RAB15: variants seen among roughly 807,000 people sequenced by gnomAD.
The protein encoded by RAB15 is ras-related protein Rab-15.
Under a neutral mutation model 31.8 loss-of-function variants are expected in RAB15, and 13 were observed. The observed-to-expected ratio is 0.41, with a 90% CI of 0.27 to 0.65. The LOEUF (loss-of-function observed/expected upper bound fraction) is 0.65. RAB15 is among the 30% of genes least tolerant of loss of function. The pLI, the probability that RAB15 is intolerant of heterozygous loss-of-function variation, is 0.32. For synonymous variants in RAB15, 100 were observed against 105.6 expected (o/e 0.95, Z 0.33); for missense variants, 220 against 277.3 (o/e 0.79, Z 1.47).
At position 64,954,698 on chromosome 14, in the gene RAB15, G is replaced by T. The variant is rs191629604; in HGVS notation, c.125-2127C>A. Among the ~76,000 whole-genome samples the T allele has an allele frequency of 0.01, 1,577 of 152,312 alleles. 12 individuals carry two copies. The highest frequency in any genetic ancestry group is 0.015 in the Non-Finnish European group (1,039 of 68,026). On this transcript the variant is annotated intron_variant, in intron 1 of 6. Transcript: ENST00000533601. The surrounding 1 kb of genome is among the most constrained non-coding windows in gnomAD (Gnocchi z 4.3). ...TGGCTAGCCAGGGTCAGCACAGCAC[G>T]TGCAGAGATTCCAACACAGGTCCAT...
At chr14:64,965,251 A>G (rs1478162496) in intron 1 of RAB15, among the ~76,000 whole-genome samples, 2 of 152,038 alleles carry the variant, frequency 1.3e-5, no homozygotes, top group East Asian at 1.9e-4. Flanking sequence ...TGAGGTCAGA[A>G]GTTCGAGACC....
At position 64,951,815 on chromosome 14, in the gene RAB15, G is replaced by C. The variant is rs1468972099; in HGVS notation, c.186-152C>G. The C allele has an allele frequency of 1.4e-6, 1 of 703,134 alleles. No homozygotes were observed. Among genetic ancestry groups the C allele is most frequent in the Non-Finnish European group, 2.5e-6 (1 of 397,372 alleles). 43.6% of individuals were successfully genotyped at this position (703,134 alleles called of 1,614,324 possible). A position where few individuals can be genotyped will look rare whatever the true frequency, so the allele number is the denominator to read the frequency against. ...ATCCCCACAGGGATCTGCAGTCAGA[G>C]GCCTGGTCATCTGTGCTGGTGCTGA... On this transcript the variant is annotated intron_variant, in intron 2 of 6. Coordinates refer to ENST00000533601, the MANE Select transcript of RAB15 (RefSeq NM_001308154.2). This position sits in a 1 kb window ranked among gnomAD's most constrained non-coding sequence, Gnocchi z 7.2.
In RAB15 at chr14:64,958,567, A is replaced by G. The variant is rs1886697946; in HGVS notation, c.125-5996T>C. Among the ~76,000 whole-genome samples the G allele has an allele frequency of 6.6e-6, 1 of 152,164 alleles. No homozygotes were observed. Among genetic ancestry groups the G allele is most frequent in the Non-Finnish European group, 1.5e-5 (1 of 68,038 alleles). On this transcript the variant is annotated intron_variant, in intron 1 of 6. Transcript: ENST00000533601. This position sits in a 1 kb window ranked among gnomAD's most constrained non-coding sequence, Gnocchi z 4.4. ...GCCAGCCCTAACTAAGACACCCACC[A>G]TAGCCTATTTTCTCCTTCCTCCTTG...
At chr14:64,960,522 T>G (rs779349750) in intron 1 of RAB15, among the ~76,000 whole-genome samples, 20 of 152,316 alleles carry the variant, frequency 1.3e-4, no homozygotes, top group Non-Finnish European at 2.6e-4. Context: ...TGCATGGTGT[T>G]GGGGAAGCCA....
rs139523848 is a variant in RAB15, at chr14:64,968,337, G to A, written c.124+3616C>T. On this transcript the variant is annotated intron_variant, in intron 1 of 6. Coordinates refer to ENST00000533601, the MANE Select transcript of RAB15 (RefSeq NM_001308154.2). The surrounding 1 kb of genome is among the most constrained non-coding windows in gnomAD (Gnocchi z 4.9). Reference sequence around the variant, plus strand: ...GCTCCCTTCTGCTGCAGGAACTGACGAGCAGCCCACACTGAGGCCTAGCTT... The same window carrying A: ...GCTCCCTTCTGCTGCAGGAACTGACAAGCAGCCCACACTGAGGCCTAGCTT... 1.6e-3 allele frequency among the ~76,000 whole-genome samples: 250 copies of A among 152,214 alleles called. No individual in the cohort carries two copies. Among genetic ancestry groups the A allele is most frequent in the Non-Finnish European group, 2.5e-3 (169 of 68,016 alleles).
In RAB15 at chr14:64,971,769, G is replaced by A; in HGVS notation, c.124+184C>T. On this transcript the variant is annotated intron_variant, in intron 1 of 6. Transcript: ENST00000533601. The surrounding 1 kb of genome is among the most constrained non-coding windows in gnomAD (Gnocchi z 4.1). ...ACCCCACCCCTGGTCCGGACGGCAG[G>A]CAGCAGGGACACCCTCACCTGCCAA... 1.7e-6 allele frequency: 1 copy of A among 600,688 alleles called. No individual in the cohort carries two copies. The highest frequency in any genetic ancestry group is 2.9e-6 in the Non-Finnish European group (1 of 344,666). 37.2% of individuals were successfully genotyped at this position (600,688 alleles called of 1,614,324 possible).
Position 64,952,537 on chromosome 14 carries a change from G to A in RAB15, c.159C>T (p.Asp53=), listed in dbSNP as rs374085864. 50 of 1,612,232 alleles carry A rather than the reference G, an allele frequency of 3.1e-5. No individual in the cohort carries two copies. Among genetic ancestry groups the A allele is most frequent in the East Asian group, 2.2e-4 (10 of 44,872 alleles). The change falls in exon 2 of 7, where the codon GAC becomes GAT. Residue 53 remains aspartate (D), a synonymous_variant. Coordinates refer to ENST00000533601, the MANE Select transcript of RAB15 (RefSeq NM_001308154.2). This position sits in a 1 kb window ranked among gnomAD's most constrained non-coding sequence, Gnocchi z 4.2. ...VDFKMKTIEV[D]GIKVRIQIWD... ...AGATCTGTATCCGCACTTTGATGCC[G>A]TCTACCTCTATGGTCTTCATCTTAA...
rs1886523456 is a variant in RAB15, at chr14:64,955,830, T to A, written c.125-3259A>T. Among the ~76,000 whole-genome samples, 1 of 152,216 alleles carries A rather than the reference T, an allele frequency of 6.6e-6. No individual in the cohort carries two copies. Among genetic ancestry groups the A allele is most frequent in the Non-Finnish European group, 1.5e-5 (1 of 68,046 alleles). ...CTTTTTGTTGCATCTTTAGTATCCG[T>A]GAGAAGAAGAGATATTCTCCATCTA... On this transcript the variant is annotated intron_variant, in intron 1 of 6. Coordinates refer to ENST00000533601, the MANE Select transcript of RAB15 (RefSeq NM_001308154.2). This position sits in a 1 kb window ranked among gnomAD's most constrained non-coding sequence, Gnocchi z 4.4.
intron 1 of RAB15, among the ~76,000 whole-genome samples, chr14:64,964,284 G>A (rs575505336): frequency 6.6e-6 from 1 of 152,164 alleles, no homozygotes; most frequent in East Asian, 2.0e-4. Context: ...AGCACTTTGG[G>A]AGGCCGAGGT....
chr14:64,951,664 C>G lies in RAB15; in HGVS notation c.186-1G>C. ...GTATCTCTCCTGCCCTGCAGTGTCCCTGCAGGAGAAAGCCAGTCCCTCAGA... is the reference window on the plus strand; with the variant it reads ...GTATCTCTCCTGCCCTGCAGTGTCCGTGCAGGAGAAAGCCAGTCCCTCAGA... On this transcript the variant is annotated splice_acceptor_variant, in intron 2 of 6. Coordinates refer to ENST00000533601, the MANE Select transcript of RAB15 (RefSeq NM_001308154.2). LOFTEE classifies it high-confidence loss of function. This position sits in a 1 kb window ranked among gnomAD's most constrained non-coding sequence, Gnocchi z 7.2. 1 of 1,614,082 alleles carries G rather than the reference C, an allele frequency of 6.2e-7. No individual in the cohort carries two copies. Among genetic ancestry groups the G allele is most frequent in the Non-Finnish European group, 8.5e-7 (1 of 1,179,916 alleles).
chr14:64,948,429 C>G lies in RAB15; in HGVS notation c.564G>C (p.Leu188Phe), dbSNP rs983828410. The G allele has an allele frequency of 1.9e-6, 3 of 1,613,714 alleles. No individual in the cohort carries two copies. The highest frequency in any genetic ancestry group is 2.5e-6 in the Non-Finnish European group (3 of 1,179,928). The change falls in exon 7 of 7, where the codon TTG (leucine) becomes TTC (phenylalanine). Residue 188 changes from leucine (L) to phenylalanine (F), a missense_variant. Transcript: ENST00000533601. This position sits in a 1 kb window ranked among gnomAD's most constrained non-coding sequence, Gnocchi z 7.0. ...CCTCCTCCTCCAGCTCTGCCAGTGCCAACTCATTGCTGGCACGCATCCGGA... is the reference window on the plus strand; with the variant it reads ...CCTCCTCCTCCAGCTCTGCCAGTGCGAACTCATTGCTGGCACGCATCCGGA... ...EGLRMRASNE[L>F]ALAELEEEEG...
At position 64,947,081 on chromosome 14, in the gene RAB15, T is replaced by G. The variant is rs890911233; in HGVS notation, c.*1273A>C. 2 of 152,650 alleles carry G rather than the reference T, an allele frequency of 1.3e-5. No individual in the cohort carries two copies. The highest frequency in any genetic ancestry group is 4.8e-5 in the African/African-American group (2 of 41,452). 9.5% of individuals were successfully genotyped at this position (152,650 alleles called of 1,614,324 possible). On this transcript the variant is annotated 3_prime_UTR_variant, in exon 7 of 7. Coordinates refer to ENST00000533601, the MANE Select transcript of RAB15 (RefSeq NM_001308154.2). This position sits in a 1 kb window ranked among gnomAD's most constrained non-coding sequence, Gnocchi z 5.6. The stretch of plus-strand genomic sequence containing the variant: ...GCACCAAGCGTTTCTACCCAGGGCC[T>G]TCCTTCTCTCTTCCCATGAAGTCTT...
chr14:64,950,266 A>G lies in RAB15; in HGVS notation c.414+59T>C. ...ACACCCCTAGGTCCCCACGCTCAGG[A>G]CTGGCCCTGGAGGCCCAGCAGAGGA... is the stretch of plus-strand genomic sequence containing the variant. On this transcript the variant is annotated intron_variant, in intron 5 of 6. Transcript: ENST00000533601. This position sits in a 1 kb window ranked among gnomAD's most constrained non-coding sequence, Gnocchi z 5.6. 1 of 1,390,074 alleles carries G rather than the reference A, an allele frequency of 7.2e-7. No homozygotes were observed. Among genetic ancestry groups the G allele is most frequent in the Admixed American group, 1.7e-5 (1 of 59,772 alleles). 86.1% of individuals were successfully genotyped at this position (1,390,074 alleles called of 1,614,324 possible).
At position 64,954,095 on chromosome 14, in the gene RAB15, GAACGGGC is replaced by G; in HGVS notation, c.125-1531_125-1525del. ...TTAATTACAAGGGAAAAAAGATGCA[GAACGGGC>G]AACCTGAACTAAATCGATTTGGTCA... On this transcript the variant is annotated intron_variant, in intron 1 of 6. Transcript: ENST00000533601. The surrounding 1 kb of genome is among the most constrained non-coding windows in gnomAD (Gnocchi z 4.3). The G allele has an allele frequency of 2.0e-6, 2 of 985,446 alleles. No individual in the cohort carries two copies. Among genetic ancestry groups the G allele is most frequent in the Non-Finnish European group, 1.2e-6 (1 of 829,936 alleles). 61.0% of individuals were successfully genotyped at this position (985,446 alleles called of 1,614,324 possible).
intron 1 of RAB15, among the ~76,000 whole-genome samples, chr14:64,965,579 A>C (rs1298184164): frequency 1.3e-5 from 2 of 152,208 alleles, no homozygotes; most frequent in Non-Finnish European, 2.9e-5. Context: ...CAGAGAGAAG[A>C]GCCAAGGAGA....
In RAB15 at chr14:64,972,132, C is replaced by G. The variant is rs1887464061; in HGVS notation, c.-56G>C. The G allele has an allele frequency of 7.8e-7, 1 of 1,281,016 alleles. No individual in the cohort carries two copies. The highest frequency in any genetic ancestry group is 9.9e-7 in the Non-Finnish European group (1 of 1,010,852). 79.4% of individuals were successfully genotyped at this position (1,281,016 alleles called of 1,614,324 possible). A position where few individuals can be genotyped will look rare whatever the true frequency, so the allele number is the denominator to read the frequency against. On this transcript the variant is annotated 5_prime_UTR_variant, in exon 1 of 7. Transcript: ENST00000533601. This position sits in a 1 kb window ranked among gnomAD's most constrained non-coding sequence, Gnocchi z 6.3. ...GCGGGCAGCGGGCTCAGCCCTGCTC[C>G]GCCGCTGCCATCGCGGCCCGCGCCC...
intron 1 of RAB15, among the ~76,000 whole-genome samples, chr14:64,961,011 A>G (rs1302701272): frequency 6.6e-6 from 1 of 152,216 alleles, no homozygotes; most frequent in Non-Finnish European, 1.5e-5. Context: ...CGCATGCTTC[A>G]GTGGAAACAG....
In RAB15 at chr14:64,954,082, G is replaced by A. The variant is rs541150190; in HGVS notation, c.125-1511C>T. 2 of 985,372 alleles carry A rather than the reference G, an allele frequency of 2.0e-6. No individual in the cohort carries two copies. The highest frequency in any genetic ancestry group is 3.5e-5 in the African/African-American group (2 of 57,334). 61.0% of individuals were successfully genotyped at this position (985,372 alleles called of 1,614,324 possible). A position where few individuals can be genotyped will look rare whatever the true frequency, so the allele number is the denominator to read the frequency against. ...GACCAATCATCATTTAATTACAAGG[G>A]AAAAAAGATGCAGAACGGGCAACCT... On this transcript the variant is annotated intron_variant, in intron 1 of 6. Coordinates refer to ENST00000533601, the MANE Select transcript of RAB15 (RefSeq NM_001308154.2). The surrounding 1 kb of genome is among the most constrained non-coding windows in gnomAD (Gnocchi z 4.3).
At position 64,972,220 on chromosome 14, in the gene RAB15, G is replaced by C. The variant is rs1446048508; in HGVS notation, c.-144C>G. The C allele has an allele frequency of 2.2e-6, 1 of 456,082 alleles. No individual in the cohort carries two copies. The highest frequency in any genetic ancestry group is 2.9e-6 in the Non-Finnish European group (1 of 346,852). The allele number at this position is 456,082 out of a possible 1,614,324, so 28.3% of individuals were successfully genotyped here. A position where few individuals can be genotyped will look rare whatever the true frequency, so the allele number is the denominator to read the frequency against. The stretch of plus-strand genomic sequence containing the variant: ...CCCGGCCCCCGCGGCTGCCTCGCCC[G>C]CCCGCCTGCCCACTCGCTCGCTGGG... On this transcript the variant is annotated 5_prime_UTR_variant, in exon 1 of 7. Coordinates refer to ENST00000533601, the MANE Select transcript of RAB15 (RefSeq NM_001308154.2). The surrounding 1 kb of genome is among the most constrained non-coding windows in gnomAD (Gnocchi z 6.3).
Sources: allele counts gnomAD v4.1 joint callset (sites outside exome capture counted in the v4.1 genomes callset), GRCh38; gene constraint gnomAD v4.1.1; non-coding constraint Gnocchi (gnomAD v3.1); transcripts MANE v1.5; gene names NCBI Gene and HGNC (gene_info 2026-07-23, HGNC 2026-07-21).